MACC1: variants seen among roughly 807,000 people sequenced by gnomAD.
MACC1 encodes the protein metastasis-associated in colon cancer protein 1.
Under a neutral mutation model 70.7 loss-of-function variants are expected in MACC1, and 79 were observed. The ratio of observed to expected loss-of-function variants is 1.12; its 90% CI spans 0.93 to 1.35. The LOEUF is 1.35. Ranked by LOEUF, MACC1 falls within the 40% of genes most tolerant of loss-of-function variation. The pLI is 0.00. For missense variants in MACC1, 1,106 were observed against 978.1 expected (o/e 1.13, Z -1.74); for synonymous variants, 361 against 347.2 (o/e 1.04, Z -0.44).
At chr7:20,209,979 G>A (rs995595487) in intron 1 of MACC1, among the ~76,000 whole-genome samples, 2 of 152,130 alleles carry the variant, frequency 1.3e-5, no homozygotes, top group Non-Finnish European at 2.9e-5. Flanking sequence ...CCTGTGAAGA[G>A]GTGCCTTCTG....
At chr7:20,198,808 G>C (rs1782790580) in intron 1 of MACC1, 1 of 152,130 alleles carries the variant, frequency 6.6e-6, no homozygotes, top group Non-Finnish European at 1.5e-5. Flanking sequence ...TCAAATCAGA[G>C]ACAGAATAGG....
intron 1 of MACC1, 38 bp from the exon 2 acceptor site, chr7:20,170,816 G>A (rs1782293456): frequency 6.6e-6 from 1 of 152,306 alleles, no homozygotes; most frequent in African/African-American, 2.4e-5. Context: ...TTTGGTCACT[G>A]TTAAGTGAAA....
At chr7:20,170,817 T>C (rs982622452) in intron 1 of MACC1, 39 bp from the exon 2 acceptor site, 1 of 152,258 alleles carries the variant, frequency 6.6e-6, no homozygotes, top group Non-Finnish European at 1.5e-5. Flanking sequence ...TTGGTCACTG[T>C]TAAGTGAAAA....
At chr7:20,211,043 T>C (rs1312062433) in intron 1 of MACC1, among the ~76,000 whole-genome samples, 1 of 152,160 alleles carries the variant, frequency 6.6e-6, no homozygotes, top group Non-Finnish European at 1.5e-5. Flanking sequence ...TATGCTCTTT[T>C]GATATTATTT....
chr7:20,204,106 G>A (rs1583411677), intron 1 of MACC1, among the ~76,000 whole-genome samples: 1 of 152,010 alleles, frequency 6.6e-6, no homozygotes, highest in Non-Finnish European at 1.5e-5. Context: ...CTATATTTGG[G>A]TACATATTGA....
intron 1 of MACC1, among the ~76,000 whole-genome samples, chr7:20,213,850 C>T (rs1311394235): frequency 6.6e-6 from 1 of 151,914 alleles, no homozygotes; most frequent in Non-Finnish European, 1.5e-5. Context: ...CAACGAAGCC[C>T]CATGACATAA....
chr7:20,145,761 A>G (rs886316073), intron 6 of MACC1, among the ~76,000 whole-genome samples: 1 of 152,238 alleles, frequency 6.6e-6, no homozygotes, highest in Non-Finnish European at 1.5e-5. Flanking sequence ...GGCAAGTATC[A>G]TGAGAAATCG....
intron 1 of MACC1, among the ~76,000 whole-genome samples, chr7:20,189,151 C>T (rs534197731): frequency 8.5e-5 from 13 of 152,274 alleles, no homozygotes; most frequent in Admixed American, 3.3e-4. Flanking sequence ...TATTGCCTTA[C>T]TTATGAGGAC....
rs138797875 is a variant in MACC1 at position 20,157,157 on chromosome 7, T to G, written c.2157+1047A>C. ...TATAAGATGAAGATACTAGCTATAC[T>G]TACCCCATAGAGTTGTTAATGGCTA... is the stretch of plus-strand genomic sequence containing the variant. On this transcript the variant is annotated intron_variant, in intron 5 of 6. Coordinates refer to ENST00000400331, the MANE Select transcript of MACC1 (RefSeq NM_182762.4). Among the ~76,000 whole-genome samples, 127 of 152,318 alleles carry G rather than the reference T, an allele frequency of 8.3e-4. No homozygotes were observed. In the Middle Eastern group the frequency reaches 0.037, roughly 45 times the overall value.
intron 5 of MACC1, among the ~76,000 whole-genome samples, chr7:20,156,949 C>T (rs1189390889): frequency 6.6e-6 from 1 of 152,092 alleles, no homozygotes; most frequent in Non-Finnish European, 1.5e-5. Context: ...ATACAAATAC[C>T]TACACATACA....
intron 2 of MACC1, among the ~76,000 whole-genome samples, chr7:20,168,212 C>G (rs951827733): frequency 6.6e-6 from 1 of 151,010 alleles, no homozygotes; most frequent in Non-Finnish European, 1.5e-5. Context: ...TACAAATAGT[C>G]AAATAACACA....
chr7:20,200,023 ATGTG>A (rs57904550), intron 1 of MACC1, among the ~76,000 whole-genome samples: 13 of 149,254 alleles, frequency 8.7e-5, no homozygotes, highest in Admixed American at 3.3e-4. Context: ...CTATACCATT[ATGTG>A]TGTGTGTGTG....
At chr7:20,205,428 G>T (rs1037298457) in intron 1 of MACC1, among the ~76,000 whole-genome samples, 4 of 152,148 alleles carry the variant, frequency 2.6e-5, no homozygotes, top group Admixed American at 6.5e-5. Context: ...GATCCTGCTT[G>T]ATCTGTGGTG....
At chr7:20,175,283 C>T (rs1782374111) in intron 1 of MACC1, among the ~76,000 whole-genome samples, 1 of 151,918 alleles carries the variant, frequency 6.6e-6, no homozygotes, top group Non-Finnish European at 1.5e-5. Flanking sequence ...TTCCAACAAC[C>T]ATTAAAAGAA....
Position 20,161,765 on chromosome 7 carries a change from T to C in MACC1, c.98A>G (p.Lys33Arg). 6.2e-7 allele frequency: 1 copy of C among 1,610,774 alleles called. No individual in the cohort carries two copies. Among genetic ancestry groups the C allele is most frequent in the East Asian group, 2.2e-5 (1 of 44,720 alleles). ...TCCCATACCTGTAATATTGCAACTTTTTGAGAGTTTTCCAGCTTCCATGTC... is the reference window on the plus strand; with the variant it reads ...TCCCATACCTGTAATATTGCAACTTCTTGAGAGTTTTCCAGCTTCCATGTC... ...LIDMEAGKLSKSCNITECQDP... is the reference protein window; with the variant it reads ...LIDMEAGKLSRSCNITECQDP... The change falls in exon 4 of 7, where the codon AAA (lysine) becomes AGA (arginine). Residue 33 changes from lysine to arginine, a missense_variant. Lys to Arg is a conservative substitution (Grantham distance 26). Coordinates refer to ENST00000400331, the MANE Select transcript of MACC1 (RefSeq NM_182762.4).
intron 2 of MACC1, among the ~76,000 whole-genome samples, chr7:20,168,262 T>TA (rs35356766): frequency 1.1e-3 from 171 of 149,136 alleles, no homozygotes; most frequent in Admixed American, 1.3e-3. Context: ...TATTCTTCAG[T>TA]AAAAAAAAAA....
At chr7:20,192,760 A>G (rs1044241972) in intron 1 of MACC1, among the ~76,000 whole-genome samples, 2 of 152,250 alleles carry the variant, frequency 1.3e-5, no homozygotes, top group African/African-American at 2.4e-5. Flanking sequence ...GAAGCAAATT[A>G]TTCACATTAA....
intron 1 of MACC1, among the ~76,000 whole-genome samples, chr7:20,172,218 A>G (rs770091952): frequency 6.6e-6 from 1 of 152,176 alleles, no homozygotes; most frequent in African/African-American, 2.4e-5. Context: ...CAGCTGCCCA[A>G]ATGAACATAC....
intron 3 of MACC1, among the ~76,000 whole-genome samples, chr7:20,162,957 A>G (rs1782160165): frequency 6.6e-6 from 1 of 152,172 alleles, no homozygotes; most frequent in African/African-American, 2.4e-5. Context: ...CATCCTATAT[A>G]GCAAAGGACA....
Sources: gnomAD v4.1 joint callset for allele counts (sites outside exome capture counted in the v4.1 genomes callset) on GRCh38, gnomAD v4.1.1 for gene constraint, MANE v1.5 for transcripts, NCBI Gene and HGNC (gene_info 2026-07-23, HGNC 2026-07-21) for gene names.